Variants in ACYP2 observed in about 807,000 individuals in gnomAD.
ACYP2 encodes acylphosphatase 2, also known as acylphosphatase-2.
A neutral mutation model predicts 11.2 loss-of-function variants in ACYP2; 12 were observed. The ratio of observed to expected loss-of-function variants is 1.08; its 90% confidence interval spans 0.69 to 1.74. ACYP2 has a LOEUF of 1.74. ACYP2 is among the 40% of genes most tolerant of loss of function. The pLI, the probability that ACYP2 is intolerant of heterozygous loss-of-function variation, is 0.00. For missense variants in ACYP2, 134 were observed against 101.9 expected (o/e 1.31, Z -1.35); for synonymous variants, 43 against 32.2 (o/e 1.33, Z -1.13).
At chr2:54,102,804 G>A (rs1454339489) in intron 4 of ACYP2, among the ~76,000 whole-genome samples, 1 of 152,006 alleles carries the variant, frequency 6.6e-6, no homozygotes, top group Non-Finnish European at 1.5e-5. Flanking sequence ...GCTTCATTCT[G>A]AGGCAGGCTT....
chr2:54,272,977 G>A (rs190865969), intron 6 of ACYP2, among the ~76,000 whole-genome samples: 1 of 152,192 alleles, frequency 6.6e-6, no homozygotes, highest in Non-Finnish European at 1.5e-5. Flanking sequence ...TTAGTACCAG[G>A]TCAGCTTGTT....
intron 6 of ACYP2, among the ~76,000 whole-genome samples, chr2:54,237,366 C>A (rs896422156): frequency 6.6e-6 from 1 of 152,136 alleles, no homozygotes; most frequent in African/African-American, 2.4e-5. Context: ...CACGTTTGCC[C>A]TTTTCATTGT....
intron 6 of ACYP2, among the ~76,000 whole-genome samples, chr2:54,259,429 G>A (rs1002485872): frequency 6.6e-6 from 1 of 152,116 alleles, no homozygotes; most frequent in Non-Finnish European, 1.5e-5. Context: ...AAAAGTATAA[G>A]GTCAAGAAAA....
chr2:54,275,092 C>T (rs886198036), intron 6 of ACYP2, among the ~76,000 whole-genome samples: 3 of 152,156 alleles, frequency 2.0e-5, no homozygotes, highest in African/African-American at 7.2e-5. Context: ...ACCTCCTTGC[C>T]TCAATAACTT....
chr2:54,131,387 C>T (rs529141076), intron 4 of ACYP2, among the ~76,000 whole-genome samples: 1 of 152,244 alleles, frequency 6.6e-6, no homozygotes, highest in Non-Finnish European at 1.5e-5. Flanking sequence ...GCTCGAGATT[C>T]GTAAATGTTG....
chr2:54,035,206 C>G (rs944180214), intron 2 of ACYP2, among the ~76,000 whole-genome samples: 12 of 151,094 alleles, frequency 7.9e-5, no homozygotes, highest in African/African-American at 2.9e-4. Context: ...AAGGTATTCA[C>G]TTCTCCTACT....
intron 4 of ACYP2, among the ~76,000 whole-genome samples, chr2:54,131,160 A>G (rs1288284577): frequency 6.6e-6 from 1 of 152,268 alleles, no homozygotes; most frequent in African/African-American, 2.4e-5. Context: ...ATCAATGTTT[A>G]ACTGTGTGCC....
intron 6 of ACYP2, among the ~76,000 whole-genome samples, chr2:54,204,168 T>C (rs2103916763): frequency 6.6e-6 from 1 of 152,276 alleles, no homozygotes; most frequent in Non-Finnish European, 1.5e-5. Context: ...CTAAATTTTT[T>C]TTGTATTTTT....
chr2:53,974,032 G>C (rs942823797), intron 2 of ACYP2, among the ~76,000 whole-genome samples: 1 of 150,174 alleles, frequency 6.7e-6, no homozygotes, highest in Non-Finnish European at 1.5e-5. Flanking sequence ...TCAGCGCCTC[G>C]AGTAGCTGGG....
chr2:54,056,778 A>T (rs569932922), intron 3 of ACYP2, among the ~76,000 whole-genome samples: 1 of 152,310 alleles, frequency 6.6e-6, no homozygotes, highest in South Asian at 2.1e-4. Context: ...CTGTACTTTA[A>T]TAGCTTTCTA....
intron 6 of ACYP2, among the ~76,000 whole-genome samples, chr2:54,227,593 C>T (rs13412697): frequency 0.02 from 3,042 of 151,526 alleles, 96 homozygotes; most frequent in African/African-American, 0.07. Context: ...CACTGCACTC[C>T]ACCCTGGCAA....
intron 6 of ACYP2, among the ~76,000 whole-genome samples, chr2:54,186,725 G>C (rs1022509146): frequency 1.3e-5 from 2 of 151,972 alleles, no homozygotes; most frequent in African/African-American, 4.8e-5. Context: ...TGTTGGCCAG[G>C]CTGGTCTCAA....
chr2:54,090,342 T>C (rs1678160380), intron 4 of ACYP2, among the ~76,000 whole-genome samples: 1 of 151,776 alleles, frequency 6.6e-6, no homozygotes, highest in African/African-American at 2.4e-5. Context: ...CTCAAAAAAG[T>C]GTTTTCGGCC....
chr2:54,109,651 A>C (rs1251043026), intron 4 of ACYP2, among the ~76,000 whole-genome samples: 1 of 152,202 alleles, frequency 6.6e-6, no homozygotes, highest in East Asian at 1.9e-4. Context: ...ATTATTTTGA[A>C]ATGTTATTAT....
chr2:54,204,895 C>T (rs980629107), intron 6 of ACYP2, among the ~76,000 whole-genome samples: 6 of 152,056 alleles, frequency 3.9e-5, no homozygotes, highest in Admixed American at 3.3e-4. Flanking sequence ...GCTTCATATT[C>T]CAGTTTACTA....
At chr2:54,268,891 T>A (rs939880600) in intron 6 of ACYP2, among the ~76,000 whole-genome samples, 13 of 152,208 alleles carry the variant, frequency 8.5e-5, no homozygotes, top group African/African-American at 2.9e-4. Context: ...CATATTCATG[T>A]CATAACCTGA....
intron 6 of ACYP2, among the ~76,000 whole-genome samples, chr2:54,266,845 G>C (rs1375448328): frequency 6.6e-6 from 1 of 151,726 alleles, no homozygotes; most frequent in Non-Finnish European, 1.5e-5. Context: ...TCCTGACCTC[G>C]TGATCCGCCC....
chr2:53,995,002 A>T (rs1044364234), intron 2 of ACYP2, among the ~76,000 whole-genome samples: 1 of 152,218 alleles, frequency 6.6e-6, no homozygotes, highest in Non-Finnish European at 1.5e-5. Context: ...CACCGCTATG[A>T]CAAGAGTGTC....
intron 6 of ACYP2, among the ~76,000 whole-genome samples, chr2:54,178,473 C>T (rs1374685371): frequency 1.3e-5 from 2 of 152,136 alleles, no homozygotes; most frequent in Non-Finnish European, 2.9e-5. Context: ...CTGTAGCTGC[C>T]ACAGAAGAAA....
Sources: gnomAD v4.1 joint callset for allele counts (sites outside exome capture counted in the v4.1 genomes callset) on GRCh38, gnomAD v4.1.1 for gene constraint, MANE v1.5 for transcripts, NCBI Gene and HGNC (gene_info 2026-07-23, HGNC 2026-07-21) for gene names.